BCOR: variants seen among roughly 807,000 people sequenced by gnomAD.
The protein encoded by BCOR is BCL-6 corepressor.
BCOR carries 10 observed loss-of-function variants against 86.7 expected under a neutral mutation model. That is an observed-to-expected ratio of 0.12 (90% CI 0.07 to 0.20). The LOEUF (loss-of-function observed/expected upper bound fraction) is 0.20, where lower values mean the gene tolerates loss of function less well. Ranked by LOEUF, BCOR falls within the 10% of genes least tolerant of loss-of-function variation. BCOR has a pLI of 1.00. For missense variants in BCOR, 1,259 were observed against 1,452.1 expected (o/e 0.87, Z 2.16); for synonymous variants, 611 against 609.0 (o/e 1.00, Z -0.05).
rs746311956 is a variant in BCOR at position 40,077,991 on chromosome X, A to C, written c.-40-22T>G. The C allele has an allele frequency of 1.1e-3, 1,100 of 1,019,723 alleles. 1 individual carries two copies. Among genetic ancestry groups the C allele is most frequent in the Middle Eastern group, 1.8e-3 (7 of 3,949 alleles). 84.0% of individuals were successfully genotyped at this position (1,019,723 alleles called of 1,213,427 possible). On this transcript the variant is annotated intron_variant, in intron 1 of 14. Coordinates refer to ENST00000378444, the MANE Select transcript of BCOR (RefSeq NM_001123385.2). ...TAGTCTGTTAAAAGGAAAGAAAAAA[A>C]ATCCCAGGAGGTTCAGTAAAGGAGA...
At chrX:40,054,826 T>C (rs1377946925) in intron 12 of BCOR, among the ~76,000 whole-genome samples, 1 of 112,685 alleles carries the variant, frequency 8.9e-6, no homozygotes, top group Non-Finnish European at 1.9e-5. Flanking sequence ...TCTTCTTTGA[T>C]AGCCTAACTA....
At chrX:40,093,566 G>A (rs1459020181) in intron 1 of BCOR, among the ~76,000 whole-genome samples, 1 of 112,006 alleles carries the variant, frequency 8.9e-6, no homozygotes, top group Non-Finnish European at 1.9e-5. Flanking sequence ...ACACACAAAC[G>A]ATGGATCTCA....
Position 40,073,235 on chromosome X carries a change from T to A in BCOR, c.2111A>T (p.Tyr704Phe). The change falls in exon 4 of 15, where the codon TAT (tyrosine) becomes TTT (phenylalanine). Residue 704 changes from tyrosine (Y) to phenylalanine (F), a missense_variant. This residue lies in a region of BCOR where 534 missense variants were observed against 594.8 expected (regional missense o/e 0.90). Coordinates refer to ENST00000378444, the MANE Select transcript of BCOR (RefSeq NM_001123385.2). ...CTCTGGACGGCCGGTGGGAAGCCCA[T>A]AGGGCAGCCCAGGCTTTGGGGCAAG... ...GHLAPKPGLP[Y>F]GLPTGRPEFV... 8.3e-7 allele frequency: 1 copy of A among 1,212,063 alleles called. No homozygotes were observed. The highest frequency in any genetic ancestry group is 1.1e-6 in the Non-Finnish European group (1 of 895,553).
At chrX:40,153,668 C>T (rs1438320208) in intron 1 of BCOR, among the ~76,000 whole-genome samples, 1 of 111,830 alleles carries the variant, frequency 8.9e-6, no homozygotes, top group Non-Finnish European at 1.9e-5. Context: ...CCTCCTCGCT[C>T]CGAAAAGCCC....
At chrX:40,100,582 C>G (rs1421509104), upstream of BCOR, among the ~76,000 whole-genome samples, 1 of 110,890 alleles carries the variant, frequency 9.0e-6, no homozygotes, top group Non-Finnish European at 1.9e-5. Context: ...CTTTAAAAGT[C>G]CTAGAATTCG....
chrX:40,070,940 G>A, intron 6 of BCOR, 33 bp downstream of exon 6: 1 of 1,194,296 alleles, frequency 8.4e-7, no homozygotes, highest in African/African-American at 1.7e-5. Context: ...CGGACCTGAG[G>A]CCAACACAAG....
At chrX:40,110,991 G>A (rs1031982047) in intron 1 of BCOR, among the ~76,000 whole-genome samples, 4 of 110,233 alleles carry the variant, frequency 3.6e-5, no homozygotes, top group African/African-American at 1.3e-4. Flanking sequence ...GGGATTACAG[G>A]CGTGAGCCAC....
intron 14 of BCOR, 140 bp downstream of exon 14, chrX:40,053,746 T>A: frequency 1.5e-6 from 1 of 684,980 alleles, no homozygotes; most frequent in East Asian, 3.5e-5. Flanking sequence ...CTGGAAAATA[T>A]CTACTGCATT....
intron 11 of BCOR, 108 bp from the exon 12 acceptor site, chrX:40,055,621 G>T (rs1311729354): frequency 1.1e-6 from 1 of 901,813 alleles, no homozygotes; most frequent in Admixed American, 2.5e-5. Flanking sequence ...GTGCACCTTG[G>T]GTACTGAGCC....
chrX:40,071,363 C>CATA (rs1203529959), intron 5 of BCOR, among the ~76,000 whole-genome samples: 168 of 112,062 alleles, frequency 1.5e-3, no homozygotes, highest in African/African-American at 5.1e-3. Context: ...ATTCTTTATT[C>CATA]ATAAAGTCAT....
In BCOR at chrX:40,123,169, T is replaced by C. The variant is rs1422199028; in HGVS notation, c.-40-45200A>G. ...CCATTTCCTTAACCTGCTAGGTGAA[T>C]TCCCCTTCTAAATGCAACTGTTTCT... On this transcript the variant is annotated intron_variant, in intron 1 of 14. Coordinates refer to the BCOR transcript ENST00000342274. 3.6e-5 allele frequency among the ~76,000 whole-genome samples: 4 copies of C among 111,009 alleles called. No individual in the cohort carries two copies. The Admixed American group carries it at 3.9e-4, about 11-fold the overall frequency.
At chrX:40,070,331 C>T (rs772330076) in intron 6 of BCOR, among the ~76,000 whole-genome samples, 1 of 112,309 alleles carries the variant, frequency 8.9e-6, no homozygotes, top group African/African-American at 3.2e-5. Context: ...CTAGAAGACT[C>T]GTGAGCAAAT....
At chrX:40,096,876 G>C (rs1159906538) in intron 1 of BCOR, among the ~76,000 whole-genome samples, 1 of 102,511 alleles carries the variant, frequency 9.8e-6, no homozygotes, top group East Asian at 3.2e-4. Context: ...GCTCAGCGGC[G>C]ACCGCGCTCC....
intron 6 of BCOR, among the ~76,000 whole-genome samples, chrX:40,066,157 G>A (rs1377771966): frequency 2.7e-5 from 3 of 111,596 alleles, no homozygotes; most frequent in Non-Finnish European, 1.9e-5. Context: ...ACTGGGATTC[G>A]GCACCCAAGC....
Position 40,063,617 on chromosome X carries a change from T to C in BCOR, c.3838A>G (p.Asn1280Asp). ...WSEESLKPSD[N>D]EQGLPVFSGS... Reference sequence around the variant, plus strand: ...GGTGGCCCCCGCATACCTTGTTCATTGTCACTGGGTTTAAGAGACTCTTCC... The same window carrying C: ...GGTGGCCCCCGCATACCTTGTTCATCGTCACTGGGTTTAAGAGACTCTTCC... Residue 1280 changes from asparagine (N) to aspartate (D), a missense_variant, in exon 8 of 15, where the codon AAT (asparagine) becomes GAT (aspartate). Asn to Asp is a conservative substitution (Grantham distance 23). Around this residue, in one of 7 missense-constraint regions of BCOR, gnomAD observed 305 missense variants for 286.1 expected, o/e 1.07. Transcript: ENST00000378444. The C allele has an allele frequency of 8.3e-7, 1 of 1,210,364 alleles. No homozygotes were observed. Among genetic ancestry groups the C allele is most frequent in the Non-Finnish European group, 1.1e-6 (1 of 894,195 alleles).
rs1257293992 is a variant in BCOR at position 40,142,752 on chromosome X, C to T, written c.-41+34255G>A. ...ATGTGTGGGCTATGGATTTTTTTCC[C>T]GATTTCCATTTCTCCTTGATTTCAG... On this transcript the variant is annotated intron_variant, in intron 1 of 14. Transcript: ENST00000342274. 8.1e-5 allele frequency among the ~76,000 whole-genome samples: 9 copies of T among 111,351 alleles called. No homozygotes were observed. In the Admixed American group the frequency reaches 8.6e-4, roughly 11 times the overall value.
rs144103180 is a variant in BCOR at position 40,126,964 on chromosome X, C to T, written c.-40-48995G>A. Among the ~76,000 whole-genome samples the T allele has an allele frequency of 5.0e-3, 558 of 112,026 alleles. 4 individuals are homozygous for T. Among genetic ancestry groups the T allele is most frequent in the African/African-American group, 0.017 (521 of 30,885 alleles). On this transcript the variant is annotated intron_variant, in intron 1 of 14. Coordinates refer to the BCOR transcript ENST00000342274. ...CAAGGAGAGAGATCTCAGAAGGAAC[C>T]AACCCTGCTGACAACTTGTTCTTGG...
intron 10 of BCOR, among the ~76,000 whole-genome samples, chrX:40,057,890 C>T (rs1022026831): frequency 2.7e-5 from 3 of 111,922 alleles, no homozygotes; most frequent in Non-Finnish European, 5.6e-5. Flanking sequence ...TTAGGCTGGT[C>T]CTCACGCCCC....
chrX:40,102,554 T>C (rs957816190), upstream of BCOR, among the ~76,000 whole-genome samples: 4 of 113,868 alleles, frequency 3.5e-5, 1 homozygote, highest in African/African-American at 1.3e-4. Flanking sequence ...GCGCATATTT[T>C]ACCCGGCTGG....
Sources: allele counts gnomAD v4.1 joint callset (sites outside exome capture counted in the v4.1 genomes callset), GRCh38; gene constraint gnomAD v4.1.1; regional missense constraint gnomAD v4.1.1; transcripts MANE v1.5; gene names NCBI Gene and HGNC (gene_info 2026-07-23, HGNC 2026-07-21).